KIAA1217: variants seen among roughly 807,000 people sequenced by gnomAD.
KIAA1217 encodes KIAA1217.
A neutral mutation model predicts 163.9 loss-of-function variants in KIAA1217; 88 were observed. The ratio of observed to expected loss-of-function variants is 0.54; its 90% CI spans 0.45 to 0.64. KIAA1217 has a LOEUF of 0.64. KIAA1217 is among the 30% of genes least tolerant of loss of function. KIAA1217 has a pLI of 0.00. For missense variants in KIAA1217, 2,372 were observed against 2,475.0 expected (o/e 0.96, Z 0.88); for synonymous variants, 903 against 923.1 (o/e 0.98, Z 0.39).
At chr10:23,832,454 A>G (rs1838252917) in intron 1 of KIAA1217, among the ~76,000 whole-genome samples, 1 of 152,126 alleles carries the variant, frequency 6.6e-6, no homozygotes, top group Admixed American at 6.6e-5. Flanking sequence ...TCATTGCATA[A>G]GGATGTTTGA....
chr10:24,055,382 T>C (rs115516924), intron 2 of KIAA1217, among the ~76,000 whole-genome samples: 2,637 of 152,326 alleles, frequency 0.017, 68 homozygotes, highest in African/African-American at 0.06. Flanking sequence ...TAAATTACCA[T>C]CAGAATTAAA....
At chr10:23,865,582 C>G (rs1490328042) in intron 1 of KIAA1217, among the ~76,000 whole-genome samples, 1 of 151,878 alleles carries the variant, frequency 6.6e-6, no homozygotes, top group Non-Finnish European at 1.5e-5. Context: ...CTTAAACTTC[C>G]TTTTATAATC....
chr10:24,168,615 A>G (rs1365161631), intron 2 of KIAA1217, among the ~76,000 whole-genome samples: 1 of 152,196 alleles, frequency 6.6e-6, no homozygotes, highest in Non-Finnish European at 1.5e-5. Flanking sequence ...TGTATGATAA[A>G]GTGAGGTGGG....
chr10:23,775,113 T>A (rs569644685), intron 1 of KIAA1217, among the ~76,000 whole-genome samples: 1 of 152,046 alleles, frequency 6.6e-6, no homozygotes, highest in South Asian at 2.1e-4. Context: ...AAAGACAGCC[T>A]CAGGCAGTGA....
intron 2 of KIAA1217, among the ~76,000 whole-genome samples, chr10:24,232,824 A>G (rs564712321): frequency 6.6e-5 from 10 of 150,744 alleles, no homozygotes; most frequent in East Asian, 2.0e-4. Context: ...ATTGAACATT[A>G]TATAAAAAGT....
rs1389976922 is a variant in KIAA1217 at position 23,790,602 on chromosome 10, C to T, written c.-321+95368C>T. ...ATGTATATGTACATATATACATGTA[C>T]ATATATACATATGTATATATACATA... On this transcript the variant is annotated intron_variant, in intron 1 of 18. Coordinates refer to the KIAA1217 transcript ENST00000376462. Among the ~76,000 whole-genome samples the T allele has an allele frequency of 4.4e-5, 5 of 114,812 alleles. 2 individuals carry two copies. Among genetic ancestry groups the T allele is most frequent in the African/African-American group, 1.7e-4 (4 of 23,800 alleles). The allele number at this position is 114,812 out of a possible 152,430, so 75.3% of individuals were successfully genotyped here.
intron 3 of KIAA1217, among the ~76,000 whole-genome samples, chr10:24,432,361 GC>G (rs1294271310): frequency 6.6e-6 from 1 of 151,626 alleles, no homozygotes; most frequent in Non-Finnish European, 1.5e-5. Context: ...TAAGTGATTC[GC>G]CTGCCTCAGC....
In KIAA1217 at chr10:24,337,506, T is replaced by G. The variant is rs528633896; in HGVS notation, c.355-43363T>G. ...GTTGGTCTGCCCATGCGCATCACAC[T>G]TCATGAGAATATGACAGATCGCATT... On this transcript the variant is annotated intron_variant, in intron 2 of 20. Transcript: ENST00000376454. 2.0e-3 allele frequency among the ~76,000 whole-genome samples: 302 copies of G among 152,346 alleles called. 4 individuals are homozygous for G. Among genetic ancestry groups the G allele is most frequent in the African/African-American group, 7.1e-3 (294 of 41,568 alleles).
chr10:23,753,800 G>A (rs781770976), intron 1 of KIAA1217, among the ~76,000 whole-genome samples: 38 of 152,104 alleles, frequency 2.5e-4, no homozygotes, highest in African/African-American at 3.4e-4. Flanking sequence ...GAACCATCAC[G>A]TCTCCTGTGA....
intron 2 of KIAA1217, among the ~76,000 whole-genome samples, chr10:24,276,155 T>C (rs2077262770): frequency 1.3e-5 from 2 of 152,214 alleles, no homozygotes; most frequent in African/African-American, 2.4e-5. Flanking sequence ...GAATCTGCTG[T>C]TTCATTTCAT....
At chr10:24,058,972 A>AAAGTTTTC (rs1318395351) in intron 2 of KIAA1217, among the ~76,000 whole-genome samples, 1 of 147,124 alleles carries the variant, frequency 6.8e-6, no homozygotes, top group East Asian at 1.9e-4. Context: ...TCTTAGAAGA[A>AAAGTTTTC]AAGTTTTCAA....
chr10:24,023,575 CT>C (rs1847823825), intron 2 of KIAA1217, among the ~76,000 whole-genome samples: 1 of 151,550 alleles, frequency 6.6e-6, no homozygotes, highest in African/African-American at 2.4e-5. Context: ...AACAGTGGGA[CT>C]TAAGGATATG....
At position 24,357,316 on chromosome 10, in the gene KIAA1217, A is replaced by G. The variant is rs561000456; in HGVS notation, c.355-23553A>G. On this transcript the variant is annotated intron_variant, in intron 2 of 20. Transcript: ENST00000376454. ...TTTCTACACTCTGGGCCTGTTTCCT[A>G]TGGAAGAAAAGGGAGAATCAGAAGT... Among the ~76,000 whole-genome samples the G allele has an allele frequency of 5.9e-5, 9 of 152,300 alleles. No homozygotes were observed. The South Asian group carries it at 6.2e-4, about 11-fold the overall frequency.
At chr10:24,109,528 A>G (rs1564711534) in intron 2 of KIAA1217, among the ~76,000 whole-genome samples, 1 of 152,152 alleles carries the variant, frequency 6.6e-6, no homozygotes, top group South Asian at 2.1e-4. Context: ...ACCAGGGGAA[A>G]AATGAACAGA....
intron 1 of KIAA1217, among the ~76,000 whole-genome samples, chr10:23,755,182 C>A (rs1294491668): frequency 6.6e-6 from 1 of 152,010 alleles, no homozygotes; most frequent in Non-Finnish European, 1.5e-5. Flanking sequence ...AGCTGGAGAG[C>A]AAATGGAACA....
At chr10:23,706,286 G>A (rs758270563) in intron 1 of KIAA1217, among the ~76,000 whole-genome samples, 13 of 151,722 alleles carry the variant, frequency 8.6e-5, no homozygotes, top group South Asian at 4.2e-4. Flanking sequence ...AATTGTCCTC[G>A]CTAGGTCCTG....
intron 2 of KIAA1217, among the ~76,000 whole-genome samples, chr10:24,146,319 A>G (rs1261106348): frequency 6.6e-6 from 1 of 152,238 alleles, no homozygotes. Flanking sequence ...TATATGAAGC[A>G]TATGAAGAAA....
intron 2 of KIAA1217, among the ~76,000 whole-genome samples, chr10:24,078,143 G>C (rs947396945): frequency 3.3e-5 from 5 of 152,198 alleles, no homozygotes; most frequent in African/African-American, 9.6e-5. Flanking sequence ...TAGGTTGTCT[G>C]TAAAACTACC....
chr10:24,538,739 T>TG lies in KIAA1217; in HGVS notation c.3534+1846_3534+1847insG, dbSNP rs200438920. Among the ~76,000 whole-genome samples, 6 of 126,034 alleles carry TG rather than the reference T, an allele frequency of 4.8e-5. No individual in the cohort carries two copies. The East Asian group carries it at 1.3e-3, about 27-fold the overall frequency. 82.7% of individuals were successfully genotyped at this position (126,034 alleles called of 152,430 possible). On this transcript the variant is annotated intron_variant, in intron 17 of 20. Transcript: ENST00000376454. Reference sequence around the variant, plus strand: ...TGATTTTTATTGTTTTTGGTTTTTTTTTTTTTTTTTTGTGAGACCGAGTCT... The same window carrying TG: ...TGATTTTTATTGTTTTTGGTTTTTTTGTTTTTTTTTTTGTGAGACCGAGTCT...
Sources: allele counts gnomAD v4.1 joint callset (sites outside exome capture counted in the v4.1 genomes callset), GRCh38; gene constraint gnomAD v4.1.1; transcripts MANE v1.5; gene names NCBI Gene and HGNC (gene_info 2026-07-23, HGNC 2026-07-21).